The following TXNRD1 variants were observed in gnomAD, a reference collection of about 807,000 sequenced individuals.
The protein encoded by TXNRD1 is thioredoxin reductase 1.
TXNRD1 carries 57 observed loss-of-function variants against 80.3 expected under a neutral mutation model. That is an observed-to-expected ratio of 0.71 (90% CI 0.57 to 0.89). The LOEUF (loss-of-function observed/expected upper bound fraction) is 0.89, where lower values mean the gene tolerates loss of function less well. TXNRD1 is among the 40% of genes least tolerant of loss of function. The pLI, the probability that TXNRD1 is intolerant of heterozygous loss-of-function variation, is 0.00. For missense variants in TXNRD1, 730 were observed against 803.0 expected, an observed-to-expected ratio of 0.91 and a Z score of 1.10; for synonymous variants, 291 against 285.2, an observed-to-expected ratio of 1.02 and a Z score of -0.20.
At chr12:104,341,149 G>A (rs562811184) in intron 16 of TXNRD1, among the ~76,000 whole-genome samples, 1 of 152,172 alleles carries the variant, frequency 6.6e-6, no homozygotes, top group Non-Finnish European at 1.5e-5. Context: ...GCCCATGGCT[G>A]TGGGGAGGTC....
chr12:104,313,317 G>T lies in TXNRD1; in HGVS notation c.610G>T (p.Gly204Cys). ...TCCCACCCCTCTTGGAACTAGATGG[G>T]GTAAGCTTTTAAGATACTCTAGAAG... ...VTPTPLGTRW[G>C]LGGTCVNVGC... The change falls in exon 6 of 17, where the codon GGT (glycine) becomes TGT (cysteine). Residue 204 changes from glycine (G) to cysteine (C), a missense_variant and splice_region_variant. Transcript: ENST00000525566. The T allele has an allele frequency of 6.3e-6, 10 of 1,580,546 alleles. No individual in the cohort carries two copies. Among genetic ancestry groups the T allele is most frequent in the Non-Finnish European group, 8.6e-6 (10 of 1,161,220 alleles).
At chr12:104,302,486 C>CATTTTT (rs1555213398) in intron 4 of TXNRD1, among the ~76,000 whole-genome samples, 1 of 76,226 alleles carries the variant, frequency 1.3e-5, no homozygotes. Context: ...TATTCATTCC[C>CATTTTT]TTTTTTTTTT....
intron 2 of TXNRD1, among the ~76,000 whole-genome samples, chr12:104,256,359 G>A (rs535970232): frequency 1.6e-4 from 24 of 152,280 alleles, no homozygotes; most frequent in Non-Finnish European, 2.8e-4. Flanking sequence ...AGGTTTTAAA[G>A]TGCAAAGATA....
chr12:104,251,222 A>G (rs578110565), intron 1 of TXNRD1, among the ~76,000 whole-genome samples: 5 of 152,240 alleles, frequency 3.3e-5, no homozygotes, highest in African/African-American at 1.2e-4. Context: ...TGGCCTCAGT[A>G]TTTCCAACCT....
intron 14 of TXNRD1, among the ~76,000 whole-genome samples, chr12:104,333,283 A>T (rs1388790139): frequency 6.6e-6 from 1 of 151,918 alleles, no homozygotes; most frequent in Admixed American, 6.6e-5. Flanking sequence ...GAAATTTTTA[A>T]TATATATTTC....
In TXNRD1 at chr12:104,327,657, G is replaced by C; in HGVS notation, c.1528G>C (p.Gly510Arg). The C allele has an allele frequency of 6.2e-7, 1 of 1,613,570 alleles. No homozygotes were observed. The highest frequency in any genetic ancestry group is 1.3e-5 in the African/African-American group (1 of 74,906). Residue 510 changes from glycine (G) to arginine (R), a missense_variant, in exon 13 of 17, where the codon GGT becomes CGT. Transcript: ENST00000525566. Reference protein sequence around the residue: ...GRLLAQRLYAGSTVKCDYENV... With the variant: ...GRLLAQRLYARSTVKCDYENV... ...ATTGCTGGCTCAGAGGCTCTATGCA[G>C]GTTCCACTGTCAAGGTGAGTGTTGT...
At chr12:104,229,883 G>A (rs1463385772) in intron 1 of TXNRD1, among the ~76,000 whole-genome samples, 1 of 151,994 alleles carries the variant, frequency 6.6e-6, no homozygotes, top group Non-Finnish European at 1.5e-5. Flanking sequence ...GAGCCACTGT[G>A]CCCGGGCAAT....
intron 3 of TXNRD1, 103 bp from the exon 4 acceptor site, chr12:104,288,828 G>T: frequency 1.2e-6 from 2 of 1,609,078 alleles, no homozygotes; most frequent in Non-Finnish European, 1.7e-6. Context: ...AGGGCACGCG[G>T]TGCCTGCGGG....
Position 104,319,531 on chromosome 12 carries a change from G to GT in TXNRD1, c.936dup (p.Glu313Ter). The GT allele has an allele frequency of 6.2e-7, 1 of 1,605,726 alleles. No individual in the cohort carries two copies. The highest frequency in any genetic ancestry group is 8.5e-7 in the Non-Finnish European group (1 of 1,176,006). ...GCAGAGAGATTTCTCATTGCCACTG[G>GT]TGAAAGACCACGTTACTTGGGCATC... is the stretch of plus-strand genomic sequence containing the variant. On this transcript the variant is annotated frameshift_variant, in exon 9 of 17. Transcript: ENST00000525566. LOFTEE classifies it high-confidence loss of function.
chr12:104,326,900 A>G (rs1054100473), intron 12 of TXNRD1, among the ~76,000 whole-genome samples: 5 of 152,000 alleles, frequency 3.3e-5, no homozygotes, highest in Non-Finnish European at 5.9e-5. Context: ...CAGTAGTGCA[A>G]TCTCATGTCA....
intron 4 of TXNRD1, among the ~76,000 whole-genome samples, chr12:104,299,011 A>G (rs1451949373): frequency 6.6e-6 from 1 of 152,230 alleles, no homozygotes; most frequent in Non-Finnish European, 1.5e-5. Flanking sequence ...CTCAAGTCCC[A>G]AAGTCCACCC....
intron 16 of TXNRD1, chr12:104,345,949 A>G: frequency 7.8e-7 from 1 of 1,288,116 alleles, no homozygotes; most frequent in South Asian, 1.2e-5. Context: ...TCATTTTTTA[A>G]AAATACATGT....
intron 4 of TXNRD1, among the ~76,000 whole-genome samples, chr12:104,302,638 T>A (rs759062605): frequency 6.6e-6 from 1 of 152,016 alleles, no homozygotes; most frequent in Non-Finnish European, 1.5e-5. Flanking sequence ...TATAGGCGCC[T>A]GCCACCGCGC....
intron 1 of TXNRD1, among the ~76,000 whole-genome samples, chr12:104,246,070 G>A (rs1231196891): frequency 2.8e-5 from 4 of 140,650 alleles, no homozygotes; most frequent in African/African-American, 1.1e-4. Context: ...CTGAGATCGC[G>A]CCGCTGCACT....
At chr12:104,311,561 C>G (rs2035133714) in intron 5 of TXNRD1, 149 bp downstream of exon 5, 4 of 905,650 alleles carry the variant, frequency 4.4e-6, no homozygotes, top group Non-Finnish European at 6.3e-6. Context: ...ACATGGACAT[C>G]GTAAGGGACC....
At chr12:104,267,683 T>G (rs542137254) in intron 3 of TXNRD1, among the ~76,000 whole-genome samples, 1 of 40,796 alleles carries the variant, frequency 2.5e-5, no homozygotes, top group South Asian at 7.1e-4. Context: ...CTTTCTTTCT[T>G]TCTTTCTTTC....
At chr12:104,279,258 A>G (rs1414301039) in intron 3 of TXNRD1, among the ~76,000 whole-genome samples, 1 of 152,256 alleles carries the variant, frequency 6.6e-6, no homozygotes, top group African/African-American at 2.4e-5. Context: ...CATTGATCAA[A>G]TACTCATAAA....
intron 1 of TXNRD1, among the ~76,000 whole-genome samples, chr12:104,249,754 T>A (rs1328524821): frequency 6.6e-6 from 1 of 151,734 alleles, no homozygotes; most frequent in African/African-American, 2.4e-5. Flanking sequence ...GCTAACATGG[T>A]GAAACCCCGT....
At chr12:104,287,578 A>C in intron 3 of TXNRD1, 1 of 1,458,372 alleles carries the variant, frequency 6.9e-7, no homozygotes, top group Non-Finnish European at 9.2e-7. Flanking sequence ...ATCCTCAGAA[A>C]TCCTGAGACG....
Sources: gnomAD v4.1 joint callset for allele counts (sites outside exome capture counted in the v4.1 genomes callset) on GRCh38, gnomAD v4.1.1 for gene constraint, MANE v1.5 for transcripts, NCBI Gene and HGNC (gene_info 2026-07-23, HGNC 2026-07-21) for gene names.